FHL1: variants seen among roughly 807,000 people sequenced by gnomAD.
The protein encoded by FHL1 is four and a half LIM domains protein 1.
A neutral mutation model predicts 20.3 loss-of-function variants in FHL1; 1 was observed. The observed-to-expected ratio is 0.05, with a 90% CI of 0.02 to 0.23. The LOEUF (loss-of-function observed/expected upper bound fraction) is 0.23. Among genes scored for constraint, FHL1 ranks in the 10% least tolerant of loss-of-function variants. The pLI, the probability that FHL1 is intolerant of heterozygous loss-of-function variation, is 1.00. For synonymous variants in FHL1, 82 were observed against 88.9 expected, an observed-to-expected ratio of 0.92 and a Z score of 0.44; for missense variants, 177 against 234.0, an observed-to-expected ratio of 0.76 and a Z score of 1.59.
chrX:136,148,267 A>AG (rs2072162407), intron 1 of FHL1: 1 of 65,584 alleles, frequency 1.5e-5, no homozygotes, highest in East Asian at 5.4e-4. Context: ...AGTAGACGTG[A>AG]GGGGGCCCGC....
Position 136,210,107 on chromosome X carries a change from G to C in FHL1, c.*82G>C, listed in dbSNP as rs778893019. 1.2e-5 allele frequency: 14 copies of C among 1,131,179 alleles called. No individual in the cohort carries two copies. The highest frequency in any genetic ancestry group is 1.7e-5 in the Non-Finnish European group (14 of 824,559). 93.2% of individuals were successfully genotyped at this position (1,131,179 alleles called of 1,213,427 possible). ...TACTTTCTGCCCTATACCATCAATA[G>C]GGGAAGAGTGGTCCTTCCCTTCTTT... On this transcript the variant is annotated 3_prime_UTR_variant, in exon 6 of 6. Coordinates refer to ENST00000370683, the MANE Select transcript of FHL1 (RefSeq NM_001159699.2).
At chrX:136,206,359 G>T in intron 1 of FHL1, 48 bp from the exon 2 acceptor site, 1 of 1,204,467 alleles carries the variant, frequency 8.3e-7, no homozygotes, top group Non-Finnish European at 1.1e-6. Context: ...TGCTCAGGGT[G>T]CTGGGGCATT....
chrX:136,196,848 C>CT, upstream of FHL1: 2 of 1,165,971 alleles, frequency 1.7e-6, no homozygotes, highest in Non-Finnish European at 2.3e-6. Context: ...AATTTGGATG[C>CT]TGAGTAGCCC....
chrX:136,178,235 T>C (rs1018364684), intron 2 of FHL1, among the ~76,000 whole-genome samples: 2 of 112,058 alleles, frequency 1.8e-5, no homozygotes, highest in Non-Finnish European at 3.8e-5. Context: ...ATAATTGTTA[T>C]AATTTATGTA....
At chrX:136,154,800 A>G (rs971442244) in intron 1 of FHL1, among the ~76,000 whole-genome samples, 2 of 108,915 alleles carry the variant, frequency 1.8e-5, no homozygotes, top group African/African-American at 6.7e-5. Context: ...TCCGCCTCCT[A>G]GCATCAACCG....
chrX:136,191,379 C>T (rs1030139179), intron 2 of FHL1, among the ~76,000 whole-genome samples: 1 of 111,857 alleles, frequency 8.9e-6, no homozygotes, highest in Non-Finnish European at 1.9e-5. Context: ...CTCTGGAAAT[C>T]TGGATTTCCC....
chrX:136,206,624 G>A, intron 2 of FHL1, 36 bp downstream of exon 2: 2 of 1,204,886 alleles, frequency 1.7e-6, no homozygotes, highest in South Asian at 1.8e-5. Context: ...GGGAAGGGCT[G>A]GGTTTTGGAG....
rs572027675 is a variant in FHL1, at chrX:136,209,561, A to T, written c.737-310A>T. On this transcript the variant is annotated intron_variant, in intron 5 of 5. Coordinates refer to ENST00000370683, the MANE Select transcript of FHL1 (RefSeq NM_001159699.2). ...GGGAGGTCGGTGCGCGTCACAGGGCAATAGCGTGGTGGCATGGGAACGTGG... is the reference window on the plus strand; with the variant it reads ...GGGAGGTCGGTGCGCGTCACAGGGCTATAGCGTGGTGGCATGGGAACGTGG... The T allele has an allele frequency of 2.9e-4, 215 of 742,635 alleles. No homozygotes were observed. In the South Asian group the frequency reaches 5.6e-3, roughly 19 times the overall value. The allele number at this position is 742,635 out of a possible 1,213,427, so 61.2% of individuals were successfully genotyped here.
intron 2 of FHL1, among the ~76,000 whole-genome samples, chrX:136,189,445 G>T (rs965233454): frequency 9.0e-6 from 1 of 111,483 alleles, no homozygotes; most frequent in African/African-American, 3.3e-5. Flanking sequence ...CTTGCAGCTG[G>T]GCTCTTGGCC....
At position 136,208,595 on chromosome X, in the gene FHL1, G is replaced by C; in HGVS notation, c.690G>C (p.Lys230Asn). The C allele has an allele frequency of 8.3e-7, 1 of 1,211,398 alleles. No individual in the cohort carries two copies. The highest frequency in any genetic ancestry group is 1.8e-5 in the South Asian group (1 of 56,973). ...AGTATTACTGCGTGGATTGCTACAA[G>C]AACTTTGTGGCCAAGAAGTGTGCTG... The part of the protein sequence containing the change: ...EDQYYCVDCY[K>N]NFVAKKCAGC... The change falls in exon 5 of 6, where the codon AAG (lysine) becomes AAC (asparagine). Residue 230 changes from lysine to asparagine, a missense_variant. Physicochemically the swap from Lys to Asn is moderately conservative, Grantham distance 94. Transcript: ENST00000370683.
intron 1 of FHL1, among the ~76,000 whole-genome samples, chrX:136,156,438 T>C (rs766916617): frequency 1.5e-4 from 17 of 110,282 alleles, no homozygotes; most frequent in African/African-American, 4.0e-4. Context: ...CCCACCACCA[T>C]GCCCAGCTAA....
intron 2 of FHL1, among the ~76,000 whole-genome samples, chrX:136,190,582 C>G (rs1278244493): frequency 1.8e-5 from 2 of 112,009 alleles, no homozygotes; most frequent in Non-Finnish European, 3.8e-5. Flanking sequence ...TGGACTCTTG[C>G]TGCTGCATGA....
chrX:136,199,992 T>A (rs1172774569), intron 1 of FHL1, among the ~76,000 whole-genome samples: 1 of 112,673 alleles, frequency 8.9e-6, no homozygotes, highest in Non-Finnish European at 1.9e-5. Context: ...TAATGTTATA[T>A]TACTTGTATG....
At chrX:136,166,182 T>C (rs2072704487), upstream of FHL1, among the ~76,000 whole-genome samples, 1 of 111,762 alleles carries the variant, frequency 8.9e-6, no homozygotes, top group African/African-American at 3.3e-5. Flanking sequence ...CCCCAGCTCA[T>C]GTTAAGTGGG....
intron 2 of FHL1, among the ~76,000 whole-genome samples, chrX:136,170,741 G>A (rs1603251231): frequency 9.0e-6 from 1 of 110,589 alleles, no homozygotes; most frequent in Non-Finnish European, 1.9e-5. Context: ...TTGGTGCCCC[G>A]GTCTCTGTGC....
At chrX:136,206,307 T>A in intron 1 of FHL1, 100 bp from the exon 2 acceptor site, 1 of 1,056,981 alleles carries the variant, frequency 9.5e-7, no homozygotes, top group Non-Finnish European at 1.3e-6. Flanking sequence ...TCAGACCCCA[T>A]GGACTCCAAG....
intron 1 of FHL1, among the ~76,000 whole-genome samples, chrX:136,160,124 C>T (rs940322391): frequency 1.8e-5 from 2 of 111,724 alleles, no homozygotes; most frequent in African/African-American, 6.5e-5. Context: ...ATTACAAGTA[C>T]CCATTGCTTT....
At chrX:136,152,261 T>C (rs779315874) in intron 1 of FHL1, among the ~76,000 whole-genome samples, 1 of 111,296 alleles carries the variant, frequency 9.0e-6, no homozygotes, top group South Asian at 3.7e-4. Flanking sequence ...CAGATGAGAG[T>C]GGGAGATATT....
At chrX:136,166,042 G>C (rs1030988022), upstream of FHL1, among the ~76,000 whole-genome samples, 1 of 111,905 alleles carries the variant, frequency 8.9e-6, no homozygotes, top group African/African-American at 3.3e-5. Context: ...GTGCTGTTTT[G>C]TTTTTATTCT....
Sources: allele counts gnomAD v4.1 joint callset (sites outside exome capture counted in the v4.1 genomes callset), GRCh38; gene constraint gnomAD v4.1.1; transcripts MANE v1.5; gene names NCBI Gene and HGNC (gene_info 2026-07-23, HGNC 2026-07-21).